ARFGEF1: variants seen among roughly 807,000 people sequenced by gnomAD.
The protein encoded by ARFGEF1 is brefeldin A-inhibited guanine nucleotide-exchange protein 1.
ARFGEF1 carries 42 observed loss-of-function variants against 231.0 expected under a neutral mutation model. The ratio of observed to expected loss-of-function variants is 0.18; its 90% CI spans 0.14 to 0.24. ARFGEF1 has a LOEUF of 0.24. Among genes scored for constraint, ARFGEF1 ranks in the 10% least tolerant of loss-of-function variants. The probability of loss-of-function intolerance (pLI) is 1.00; values close to 1 mark genes in which losing one functional copy is unlikely to be tolerated. For missense variants in ARFGEF1, 1,345 were observed against 2,192.0 expected, an observed-to-expected ratio of 0.61 and a Z score of 7.72; for synonymous variants, 710 against 732.3, an observed-to-expected ratio of 0.97 and a Z score of 0.49.
rs1322434117 is a variant in ARFGEF1 at position 67,225,020 on chromosome 8, T to C, written c.4091A>G (p.Tyr1364Cys). 6.3e-7 allele frequency: 1 copy of C among 1,597,144 alleles called. No homozygotes were observed. Among genetic ancestry groups the C allele is most frequent in the Non-Finnish European group, 8.5e-7 (1 of 1,172,820 alleles). ...VSDRPQAFKE[Y>C]TSDDMNVAPE... ...TGCTACGTTCATATCATCGCTTGTGTATTCCTTGAAAGCCTTCAAGAAAAA... is the reference window on the plus strand; with the variant it reads ...TGCTACGTTCATATCATCGCTTGTGCATTCCTTGAAAGCCTTCAAGAAAAA... Residue 1364 changes from tyrosine to cysteine, a missense_variant, in exon 29 of 39, where the codon TAC (tyrosine) becomes TGC (cysteine). This residue lies in a region of ARFGEF1 where 142 missense variants were observed against 227.3 expected (regional missense o/e 0.62). Coordinates refer to ENST00000262215, the MANE Select transcript of ARFGEF1 (RefSeq NM_006421.5).
chr8:67,272,375 T>A lies in ARFGEF1; in HGVS notation c.1338-439A>T, dbSNP rs150045386. Among the ~76,000 whole-genome samples the A allele has an allele frequency of 3.4e-4, 52 of 151,984 alleles. No individual in the cohort carries two copies. The East Asian group carries it at 3.7e-3, about 11-fold the overall frequency. The stretch of plus-strand genomic sequence containing the variant: ...TAGAGATGGGGTTTCACGGTGTTAG[T>A]CAAGATGGTCTTGATCTCCTGACCT... On this transcript the variant is annotated intron_variant, in intron 9 of 38. Transcript: ENST00000262215.
intron 22 of ARFGEF1, among the ~76,000 whole-genome samples, chr8:67,236,017 G>A (rs530857078): frequency 7.9e-5 from 12 of 151,804 alleles, no homozygotes; most frequent in South Asian, 2.1e-4. Context: ...GGATATGGGC[G>A]GGCGCAGTAG....
chr8:67,270,941 T>C (rs943772889), intron 10 of ARFGEF1, among the ~76,000 whole-genome samples: 3 of 148,676 alleles, frequency 2.0e-5, no homozygotes, highest in Admixed American at 6.8e-5. Context: ...GGAGAATCGC[T>C]TGAACCCAGC....
At chr8:67,238,216 CTT>C (rs1262311100) in intron 22 of ARFGEF1, 125 bp downstream of exon 22, 1 of 1,001,566 alleles carries the variant, frequency 1.0e-6, no homozygotes, top group Non-Finnish European at 1.4e-6. Flanking sequence ...AGTCATCTTG[CTT>C]TTTCTCATAA....
chr8:67,234,240 A>G (rs140436179), intron 22 of ARFGEF1, among the ~76,000 whole-genome samples: 13 of 152,260 alleles, frequency 8.5e-5, no homozygotes, highest in African/African-American at 2.9e-4. Context: ...CCCTGTCCTC[A>G]CAGAGTTAAT....
At chr8:67,185,679 CT>C (rs1166104020) in intron 5 of ARFGEF1, among the ~76,000 whole-genome samples, 2 of 152,078 alleles carry the variant, frequency 1.3e-5, no homozygotes, top group Non-Finnish European at 2.9e-5. Context: ...CAGTCTACCC[CT>C]GGAGGTGGTA....
intron 1 of ARFGEF1, among the ~76,000 whole-genome samples, chr8:67,328,565 A>G (rs973576841): frequency 6.6e-6 from 1 of 152,182 alleles, no homozygotes; most frequent in African/African-American, 2.4e-5. Context: ...CCTGTCCTCC[A>G]TATCTAGCTC....
chr8:67,218,867 T>C (rs1480675660), intron 30 of ARFGEF1, among the ~76,000 whole-genome samples: 1 of 152,224 alleles, frequency 6.6e-6, no homozygotes, highest in Non-Finnish European at 1.5e-5. Context: ...GTTTTATAGT[T>C]GTAACTATCA....
chr8:67,213,636 G>C lies in ARFGEF1; in HGVS notation c.4687-2021C>G, dbSNP rs138291695. On this transcript the variant is annotated intron_variant, in intron 33 of 38. Coordinates refer to ENST00000262215, the MANE Select transcript of ARFGEF1 (RefSeq NM_006421.5). The stretch of plus-strand genomic sequence containing the variant: ...AATTAAACACTATTCCAGGTGTTCA[G>C]CTGAAGGTATTTTATACATGTGGTT... 6.3e-4 allele frequency among the ~76,000 whole-genome samples: 96 copies of C among 152,332 alleles called. 1 individual carries two copies. The highest frequency in any genetic ancestry group is 8.2e-4 in the Non-Finnish European group (56 of 68,036).
intron 38 of ARFGEF1, 43 bp downstream of exon 38, chr8:67,200,353 T>C (rs375075277): frequency 1.7e-5 from 24 of 1,403,280 alleles, no homozygotes; most frequent in African/African-American, 1.4e-4. Flanking sequence ...CCAATGCGAA[T>C]TGGGCTAGAA....
chr8:67,330,912 A>C (rs1808069427), intron 1 of ARFGEF1, among the ~76,000 whole-genome samples: 2 of 152,328 alleles, frequency 1.3e-5, no homozygotes, highest in South Asian at 4.1e-4. Flanking sequence ...AAAATAATCA[A>C]CTACTTCCCA....
intron 38 of ARFGEF1, 31 bp from the exon 39 acceptor site, chr8:67,199,129 G>C (rs1372976378): frequency 3.1e-6 from 5 of 1,594,410 alleles, no homozygotes; most frequent in Non-Finnish European, 4.3e-6. Context: ...TCCATTAGTA[G>C]TGATTGCAAA....
At chr8:67,340,273 AAGAC>A (rs1258438735) in intron 1 of ARFGEF1, among the ~76,000 whole-genome samples, 3 of 152,230 alleles carry the variant, frequency 2.0e-5, no homozygotes, top group Admixed American at 6.5e-5. Context: ...GGAAAGAATG[AAGAC>A]AGACAGGTGG....
At position 67,275,981 on chromosome 8, in the gene ARFGEF1, A is replaced by G. The variant is rs1044020107; in HGVS notation, c.1332T>C (p.Asp444=). Residue 444 remains aspartate, a synonymous_variant, in exon 9 of 39, where the codon GAT becomes GAC. Transcript: ENST00000262215. Reference sequence around the variant, plus strand: ...CAAAACAGTTAATAACTTACTTTGGATCTGGTGGTCCATCTGACAGTGGTT... The same window carrying G: ...CAAAACAGTTAATAACTTACTTTGGGTCTGGTGGTCCATCTGACAGTGGTT... ...SMKPLSDGPP[D]PKSHELRSKI... is the part of the protein sequence containing the mutation. The G allele has an allele frequency of 5.0e-6, 8 of 1,613,158 alleles. No homozygotes were observed. In the African/African-American group the frequency reaches 1.1e-4, roughly 22 times the overall value.
chr8:67,256,998 G>T (rs977159342), intron 17 of ARFGEF1, among the ~76,000 whole-genome samples: 1 of 152,098 alleles, frequency 6.6e-6, no homozygotes, highest in Non-Finnish European at 1.5e-5. Flanking sequence ...GAACAAGACC[G>T]GCCATAAGTT....
chr8:67,253,831 T>G (rs1840371701), intron 17 of ARFGEF1, among the ~76,000 whole-genome samples: 1 of 152,210 alleles, frequency 6.6e-6, no homozygotes, highest in Non-Finnish European at 1.5e-5. Context: ...AACTAATTCA[T>G]GCTCTGAGGT....
intron 1 of ARFGEF1, among the ~76,000 whole-genome samples, chr8:67,325,471 C>T (rs902257810): frequency 4.1e-4 from 62 of 152,296 alleles, no homozygotes; most frequent in African/African-American, 1.3e-3. Flanking sequence ...GCTTACATTA[C>T]ATAAAGGAGC....
chr8:67,210,394 C>G (rs944857364), intron 34 of ARFGEF1, among the ~76,000 whole-genome samples: 3 of 151,620 alleles, frequency 2.0e-5, no homozygotes, highest in African/African-American at 7.3e-5. Flanking sequence ...GTGGGAAGAT[C>G]GCTTGAGCCT....
intron 5 of ARFGEF1, among the ~76,000 whole-genome samples, chr8:67,179,156 G>A (rs1306043166): frequency 1.3e-5 from 2 of 152,136 alleles, no homozygotes; most frequent in Non-Finnish European, 2.9e-5. Context: ...CTTCTGACAT[G>A]TTGGTTATTA....
Sources: gnomAD v4.1 joint callset for allele counts (sites outside exome capture counted in the v4.1 genomes callset) on GRCh38, gnomAD v4.1.1 for gene constraint, gnomAD v4.1.1 regional missense constraint, MANE v1.5 for transcripts, NCBI Gene and HGNC (gene_info 2026-07-23, HGNC 2026-07-21) for gene names.